Variants in CDH17 observed in about 807,000 individuals in gnomAD.
CDH17 encodes the protein cadherin-17.
A neutral mutation model predicts 86.3 loss-of-function variants in CDH17; 67 were observed. The observed-to-expected ratio is 0.78, with a 90% CI of 0.64 to 0.95. The LOEUF is 0.95. Among genes scored for constraint, CDH17 ranks in the 40% least tolerant of loss-of-function variants. CDH17 has a pLI of 0.00. For missense variants in CDH17, 993 were observed against 1,017.6 expected (o/e 0.98, Z 0.33); for synonymous variants, 367 against 366.4 (o/e 1.00, Z -0.02).
intron 9 of CDH17, among the ~76,000 whole-genome samples, chr8:94,169,100 G>T (rs549394971): frequency 1.1e-3 from 174 of 152,218 alleles, no homozygotes; most frequent in Middle Eastern, 6.8e-3. Flanking sequence ...TATATGATTG[G>T]CCCAATGTAA....
intron 2 of CDH17, among the ~76,000 whole-genome samples, chr8:94,193,976 T>A (rs2130669625): frequency 6.6e-6 from 1 of 151,958 alleles, no homozygotes; most frequent in East Asian, 1.9e-4. Context: ...TTCCTCTAAA[T>A]CTTATAATCT....
chr8:94,191,755 A>G (rs1239084336), intron 2 of CDH17, among the ~76,000 whole-genome samples: 1 of 152,212 alleles, frequency 6.6e-6, no homozygotes, highest in Non-Finnish European at 1.5e-5. Context: ...TGCCCGGCCA[A>G]GAAAATGCAT....
chr8:94,145,986 A>G lies in CDH17; in HGVS notation c.2109T>C (p.Phe703=). The G allele has an allele frequency of 6.2e-7, 1 of 1,613,924 alleles. No individual in the cohort carries two copies. Among genetic ancestry groups the G allele is most frequent in the South Asian group, 1.1e-5 (1 of 91,034 alleles). ...DDQHLFRGPH[F]TFSLGSGSLQ... ...AGCTTCCACTGCCGAGGGAAAATGTAAAATGGGGACCCCGAAATAAGTGCT... is the reference window on the plus strand; with the variant it reads ...AGCTTCCACTGCCGAGGGAAAATGTGAAATGGGGACCCCGAAATAAGTGCT... The change falls in exon 15 of 18, where the codon TTT becomes TTC. Residue 703 remains phenylalanine (F), a synonymous_variant. Coordinates refer to ENST00000027335, the MANE Select transcript of CDH17 (RefSeq NM_004063.4).
At chr8:94,195,729 G>T (rs1813772492) in intron 1 of CDH17, among the ~76,000 whole-genome samples, 1 of 151,534 alleles carries the variant, frequency 6.6e-6, no homozygotes, top group African/African-American at 2.4e-5. Flanking sequence ...CATAAGTTTG[G>T]ACTGCCCCTC....
intron 15 of CDH17, among the ~76,000 whole-genome samples, chr8:94,143,899 A>G (rs1812685636): frequency 6.6e-6 from 1 of 152,188 alleles, no homozygotes; most frequent in African/African-American, 2.4e-5. Context: ...AATGGCAATA[A>G]GGCTATTTTG....
In CDH17 at chr8:94,205,228, G is replaced by A. The variant is rs147855934; in HGVS notation, c.-21+3255C>T. Among the ~76,000 whole-genome samples the A allele has an allele frequency of 2.0e-5, 3 of 152,180 alleles. No homozygotes were observed. In the East Asian group the frequency reaches 5.8e-4, roughly 29 times the overall value. The stretch of plus-strand genomic sequence containing the variant: ...TCACAAGCATCTTCCCTGGACTAAA[G>A]AGGAGGACTGGAATCACTATTTCTC... On this transcript the variant is annotated intron_variant, in intron 1 of 17. Coordinates refer to ENST00000027335, the MANE Select transcript of CDH17 (RefSeq NM_004063.4).
rs564963204 is a variant in CDH17, at chr8:94,198,987, A to G, written c.-20-4282T>C. Among the ~76,000 whole-genome samples, 226 of 146,286 alleles carry G rather than the reference A, an allele frequency of 1.5e-3. 1 individual carries two copies. The highest frequency in any genetic ancestry group is 2.7e-3 in the Non-Finnish European group (182 of 67,450). ...GACCTAAACCCTACTTCCTTCATGA[A>G]ATCTTCCTTGATTTCCAGCCAGTCT... On this transcript the variant is annotated intron_variant, in intron 1 of 17. Transcript: ENST00000027335.
intron 7 of CDH17, 101 bp from the exon 8 acceptor site, chr8:94,171,086 T>A: frequency 8.2e-7 from 1 of 1,224,348 alleles, no homozygotes; most frequent in Non-Finnish European, 1.1e-6. Context: ...TCTGACAACC[T>A]TGTATGTTTG....
upstream of CDH17, among the ~76,000 whole-genome samples, chr8:94,212,137 G>T (rs756723274): frequency 2.0e-5 from 3 of 152,178 alleles, no homozygotes; most frequent in Non-Finnish European, 4.4e-5. Flanking sequence ...AGCAAAACAG[G>T]TCTTACTTCC....
At position 94,170,303 on chromosome 8, in the gene CDH17, C is replaced by A. The variant is rs1293784669; in HGVS notation, c.1066+94G>T. On this transcript the variant is annotated intron_variant, in intron 9 of 17. Transcript: ENST00000027335. ...TCTATGCTGTGGAAGACATGGATTACTGACTCCCAGTAAGGTCTCCTGCTC... is the reference window on the plus strand; with the variant it reads ...TCTATGCTGTGGAAGACATGGATTAATGACTCCCAGTAAGGTCTCCTGCTC... 2.3e-6 allele frequency: 3 copies of A among 1,299,096 alleles called. No individual in the cohort carries two copies. In the African/African-American group the frequency reaches 4.4e-5, roughly 19 times the overall value. The allele number at this position is 1,299,096 out of a possible 1,614,324, so 80.5% of individuals were successfully genotyped here. A position where few individuals can be genotyped will look rare whatever the true frequency, so the allele number is the denominator to read the frequency against.
Position 94,127,608 on chromosome 8 carries a change from G to C in CDH17, c.*632C>G, listed in dbSNP as rs1372744301. On this transcript the variant is annotated 3_prime_UTR_variant, in exon 18 of 18. Coordinates refer to ENST00000027335, the MANE Select transcript of CDH17 (RefSeq NM_004063.4). ...GGAGTCAAGGATGAAGGGGACACAG[G>C]ATGGAATCAGAAAAAACATAAATGG... 6.6e-6 allele frequency: 1 copy of C among 152,198 alleles called. No homozygotes were observed. The highest frequency in any genetic ancestry group is 1.5e-5 in the Non-Finnish European group (1 of 68,036). 9.4% of individuals were successfully genotyped at this position (152,198 alleles called of 1,614,324 possible). A position where few individuals can be genotyped will look rare whatever the true frequency, so the allele number is the denominator to read the frequency against.
chr8:94,179,441 T>C (rs950850282), intron 3 of CDH17, among the ~76,000 whole-genome samples: 4 of 152,242 alleles, frequency 2.6e-5, no homozygotes, highest in Non-Finnish European at 4.4e-5. Context: ...GGAAATGAGA[T>C]GTCCATAAGG....
upstream of CDH17, among the ~76,000 whole-genome samples, chr8:94,210,226 T>TAA (rs71567010): frequency 0.024 from 1,276 of 53,452 alleles, 150 homozygotes; most frequent in African/African-American, 0.053. Context: ...TTTATGCGAG[T>TAA]AAAAAAAAAA....
chr8:94,162,130 C>T lies in CDH17; in HGVS notation c.1315G>A (p.Val439Ile), dbSNP rs181733586. The part of the protein sequence containing the change: ...FKTLCFVQIN[V>I]IDINDQIPIF... ...GGGATCTGATCATTGATATCAATAA[C>T]GTTGATTTGCACAAAACAAAGGGTC... Residue 439 changes from valine (V) to isoleucine (I), a missense_variant, in exon 11 of 18, where the codon GTT becomes ATT. Physicochemically the swap from Val to Ile is conservative, Grantham distance 29 (BLOSUM62 3). Coordinates refer to ENST00000027335, the MANE Select transcript of CDH17 (RefSeq NM_004063.4). 38 of 1,608,574 alleles carry T rather than the reference C, an allele frequency of 2.4e-5. No homozygotes were observed. The highest frequency in any genetic ancestry group is 1.7e-4 in the Middle Eastern group (1 of 6,046).
chr8:94,189,788 T>C (rs1191993272), intron 2 of CDH17, among the ~76,000 whole-genome samples: 2 of 152,250 alleles, frequency 1.3e-5, no homozygotes, highest in African/African-American at 2.4e-5. Context: ...ACGTATTTAG[T>C]ACAAAGTTTG....
chr8:94,199,766 G>T (rs1012540676), intron 1 of CDH17, among the ~76,000 whole-genome samples: 2 of 152,104 alleles, frequency 1.3e-5, no homozygotes, highest in Non-Finnish European at 2.9e-5. Flanking sequence ...CGGTTGTTAG[G>T]AGCATAGACC....
chr8:94,169,033 T>C (rs1250710884), intron 9 of CDH17, among the ~76,000 whole-genome samples: 1 of 152,220 alleles, frequency 6.6e-6, no homozygotes, highest in Admixed American at 6.5e-5. Context: ...ATGCTTGTTG[T>C]TTCAAGCTGC....
At chr8:94,129,941 A>G (rs1812377080) in intron 17 of CDH17, among the ~76,000 whole-genome samples, 1 of 152,178 alleles carries the variant, frequency 6.6e-6, no homozygotes, top group South Asian at 2.1e-4. Context: ...GTGTATTTGC[A>G]AATGTTCAAA....
chr8:94,210,675 A>G (rs577637646), upstream of CDH17, among the ~76,000 whole-genome samples: 40 of 152,338 alleles, frequency 2.6e-4, no homozygotes, highest in African/African-American at 9.1e-4. Context: ...TGTAATTGAT[A>G]AATATTACTG....
Sources: gnomAD v4.1 joint callset for allele counts (sites outside exome capture counted in the v4.1 genomes callset) on GRCh38, gnomAD v4.1.1 for gene constraint, MANE v1.5 for transcripts, NCBI Gene and HGNC (gene_info 2026-07-23, HGNC 2026-07-21) for gene names.